The following CHCHD3 variants were observed in gnomAD, a reference collection of about 807,000 sequenced individuals.
The protein encoded by CHCHD3 is MICOS complex subunit MIC19.
CHCHD3 carries 20 observed loss-of-function variants against 38.2 expected under a neutral mutation model. That is an observed-to-expected ratio of 0.52 (90% CI 0.37 to 0.76). The LOEUF (loss-of-function observed/expected upper bound fraction) is 0.76, where lower values mean the gene tolerates loss of function less well. Ranked by LOEUF, CHCHD3 falls within the 30% of genes least tolerant of loss-of-function variation. The probability of loss-of-function intolerance (pLI) is 0.00; values close to 1 mark genes in which losing one functional copy is unlikely to be tolerated. For synonymous variants in CHCHD3, 82 were observed against 100.0 expected, an observed-to-expected ratio of 0.82 and a Z score of 1.07; for missense variants, 245 against 279.2, an observed-to-expected ratio of 0.88 and a Z score of 0.87.
Position 133,025,786 on chromosome 7 carries a change from A to G in CHCHD3, c.170-1159T>C, listed in dbSNP as rs138920703. Among the ~76,000 whole-genome samples the G allele has an allele frequency of 4.0e-3, 612 of 152,292 alleles. 6 individuals are homozygous for G. Among genetic ancestry groups the G allele is most frequent in the African/African-American group, 0.013 (542 of 41,568 alleles). ...CCCAAAGTGCTGGGATTACAGGCGT[A>G]AGCCACCACGCCTGGCCAGGACCTA... On this transcript the variant is annotated intron_variant, in intron 2 of 7. Coordinates refer to ENST00000262570, the MANE Select transcript of CHCHD3 (RefSeq NM_017812.4).
chr7:132,864,628 G>A (rs1337315635), intron 5 of CHCHD3, among the ~76,000 whole-genome samples: 1 of 152,034 alleles, frequency 6.6e-6, no homozygotes, highest in Non-Finnish European at 1.5e-5. Flanking sequence ...TGTCTGTACT[G>A]TGATTTGTCC....
chr7:132,811,662 T>C (rs1340725385), intron 6 of CHCHD3, among the ~76,000 whole-genome samples: 1 of 152,198 alleles, frequency 6.6e-6, no homozygotes, highest in Non-Finnish European at 1.5e-5. Context: ...TTAGTAGACA[T>C]CTTATAGGAC....
intron 6 of CHCHD3, among the ~76,000 whole-genome samples, chr7:132,810,345 G>A (rs11769662): frequency 0.17 from 25,225 of 152,160 alleles, 2,192 homozygotes; most frequent in Middle Eastern, 0.2. Flanking sequence ...CATCCACACG[G>A]TAACTCTGTA....
chr7:133,027,292 T>C (rs1813367798), intron 2 of CHCHD3, among the ~76,000 whole-genome samples: 1 of 151,158 alleles, frequency 6.6e-6, no homozygotes, highest in Admixed American at 6.6e-5. Flanking sequence ...ATAAATATAC[T>C]ATAAACCACT....
intron 4 of CHCHD3, among the ~76,000 whole-genome samples, chr7:132,906,343 CT>C (rs1308608506): frequency 1.3e-5 from 2 of 152,126 alleles, no homozygotes; most frequent in African/African-American, 4.8e-5. Context: ...AGCCTGTTTG[CT>C]TTGAAAACTG....
At chr7:132,851,787 G>A (rs1173210743) in intron 5 of CHCHD3, among the ~76,000 whole-genome samples, 1 of 152,234 alleles carries the variant, frequency 6.6e-6, no homozygotes, top group Non-Finnish European at 1.5e-5. Flanking sequence ...AGTGCTCAAT[G>A]AGGTGATGCC....
chr7:133,074,381 A>G (rs935436802), intron 1 of CHCHD3, among the ~76,000 whole-genome samples: 2 of 152,196 alleles, frequency 1.3e-5, no homozygotes, highest in African/African-American at 4.8e-5. Context: ...CTTGGAAGAC[A>G]AGAAGACTTT....
intron 2 of CHCHD3, among the ~76,000 whole-genome samples, chr7:133,065,790 T>C (rs1231158118): frequency 6.6e-6 from 1 of 152,248 alleles, no homozygotes; most frequent in Non-Finnish European, 1.5e-5. Context: ...ATTTTTTTAA[T>C]TCTAAGAAGA....
At position 133,035,122 on chromosome 7, in the gene CHCHD3, C is replaced by T. The variant is rs778079143; in HGVS notation, c.170-10495G>A. ...TTGGGCTCAGCAGCCAGCGCCTGCT[C>T]ACATTCATCCATCTCCTCCTCAGGA... On this transcript the variant is annotated intron_variant, in intron 2 of 7. Coordinates refer to ENST00000262570, the MANE Select transcript of CHCHD3 (RefSeq NM_017812.4). The surrounding 1 kb of genome is among the most constrained non-coding windows in gnomAD (Gnocchi z 4.7). 1 of 1,613,706 alleles carries T rather than the reference C, an allele frequency of 6.2e-7. No homozygotes were observed. The highest frequency in any genetic ancestry group is 1.1e-5 in the South Asian group (1 of 91,068).
intron 7 of CHCHD3, among the ~76,000 whole-genome samples, chr7:132,790,758 C>A (rs1241946018): frequency 6.6e-6 from 1 of 152,088 alleles, no homozygotes; most frequent in Admixed American, 6.5e-5. Context: ...ATCGGGGGGA[C>A]CCTGATGTGG....
At chr7:133,020,712 G>A (rs781563133) in intron 3 of CHCHD3, among the ~76,000 whole-genome samples, 3 of 152,116 alleles carry the variant, frequency 2.0e-5, no homozygotes, top group East Asian at 1.9e-4. Context: ...TCAGCAGCTC[G>A]GAAAAATTCC....
chr7:132,862,024 T>G (rs1808503632), intron 5 of CHCHD3, among the ~76,000 whole-genome samples: 1 of 151,938 alleles, frequency 6.6e-6, no homozygotes, highest in African/African-American at 2.4e-5. Context: ...GAAAAAGGAA[T>G]CATGTCTATG....
chr7:132,929,395 CTT>C (rs1810463723), intron 4 of CHCHD3, among the ~76,000 whole-genome samples: 1 of 152,110 alleles, frequency 6.6e-6, no homozygotes, highest in Non-Finnish European at 1.5e-5. Context: ...CCATGCAACT[CTT>C]TCTCAGCCTG....
At chr7:132,891,935 T>C (rs1449494111) in intron 4 of CHCHD3, among the ~76,000 whole-genome samples, 9 of 152,216 alleles carry the variant, frequency 5.9e-5, no homozygotes, top group Non-Finnish European at 1.3e-4. Context: ...TCCACCATGA[T>C]TGTAAGTTTC....
chr7:132,787,487 A>G (rs1050871339), intron 7 of CHCHD3, among the ~76,000 whole-genome samples: 2 of 152,096 alleles, frequency 1.3e-5, no homozygotes, highest in African/African-American at 4.8e-5. Context: ...CACCAAGAGA[A>G]ACAGGGAAGT....
intron 4 of CHCHD3, among the ~76,000 whole-genome samples, chr7:132,958,682 T>C (rs1165986776): frequency 1.3e-5 from 2 of 152,240 alleles, no homozygotes; most frequent in African/African-American, 4.8e-5. Flanking sequence ...CAACAGGCCA[T>C]TCTTGTTCTG....
chr7:132,893,228 A>G (rs190849132), intron 4 of CHCHD3, among the ~76,000 whole-genome samples: 100 of 152,288 alleles, frequency 6.6e-4, no homozygotes, highest in African/African-American at 2.3e-3. Context: ...TGAACTAGAC[A>G]TGAGACATGG....
At chr7:133,055,974 G>C (rs890652725) in intron 2 of CHCHD3, among the ~76,000 whole-genome samples, 1 of 151,850 alleles carries the variant, frequency 6.6e-6, no homozygotes, top group Non-Finnish European at 1.5e-5. Flanking sequence ...GTGAGACCCC[G>C]TCTCTACAAA....
chr7:132,806,505 G>A (rs779127624), intron 6 of CHCHD3, among the ~76,000 whole-genome samples: 2 of 152,132 alleles, frequency 1.3e-5, no homozygotes, highest in Non-Finnish European at 2.9e-5. Flanking sequence ...ACATCTGGCT[G>A]GAGATGACTA....
Sources: gnomAD v4.1 joint callset for allele counts (sites outside exome capture counted in the v4.1 genomes callset) on GRCh38, gnomAD v4.1.1 for gene constraint, Gnocchi (gnomAD v3.1) non-coding constraint, MANE v1.5 for transcripts, NCBI Gene and HGNC (gene_info 2026-07-23, HGNC 2026-07-21) for gene names.